The following PTTG1IP variants were observed in gnomAD, a reference collection of about 807,000 sequenced individuals.
PTTG1IP encodes the protein pituitary tumor-transforming gene 1 protein-interacting protein.
Under a neutral mutation model 24.4 loss-of-function variants are expected in PTTG1IP, and 16 were observed. The ratio of observed to expected loss-of-function variants is 0.66; its 90% confidence interval spans 0.44 to 1.00. PTTG1IP has a LOEUF of 1.00. Among genes scored for constraint, PTTG1IP ranks in the 50% least tolerant of loss-of-function variants. PTTG1IP has a pLI of 0.00. For missense variants in PTTG1IP, 241 were observed against 245.8 expected (o/e 0.98, Z 0.13); for synonymous variants, 89 against 96.8 (o/e 0.92, Z 0.47).
At chr21:44,853,587 A>G (rs1181208836) in intron 5 of PTTG1IP, among the ~76,000 whole-genome samples, 2 of 151,980 alleles carry the variant, frequency 1.3e-5, no homozygotes, top group Admixed American at 6.5e-5. Flanking sequence ...GCCTCCAGCC[A>G]AGGCCTGCAG....
chr21:44,870,352 C>A (rs2083574381), intron 1 of PTTG1IP, among the ~76,000 whole-genome samples: 1 of 151,970 alleles, frequency 6.6e-6, no homozygotes, highest in Non-Finnish European at 1.5e-5. Flanking sequence ...ACCGGCCTGG[C>A]CGACATGGAG....
At chr21:44,859,443 G>A (rs979676575) in intron 3 of PTTG1IP, among the ~76,000 whole-genome samples, 4 of 151,828 alleles carry the variant, frequency 2.6e-5, no homozygotes, top group Admixed American at 6.6e-5. Flanking sequence ...AGGCACACAC[G>A]TGTGCATTAT....
intron 3 of PTTG1IP, among the ~76,000 whole-genome samples, chr21:44,860,859 A>G (rs560364266): frequency 7.2e-5 from 11 of 152,200 alleles, no homozygotes; most frequent in African/African-American, 2.6e-4. Context: ...GCTGGAGTGC[A>G]GTGGCACGAT....
chr21:44,861,352 A>T, intron 2 of PTTG1IP, 81 bp from the exon 3 acceptor site: 1 of 1,189,982 alleles, frequency 8.4e-7, no homozygotes, highest in Non-Finnish European at 1.2e-6. Flanking sequence ...ACAGCCCGCC[A>T]GTGCTGCCAT....
chr21:44,850,129 G>A lies in PTTG1IP; in HGVS notation c.*1452C>T, dbSNP rs1462502791. The A allele has an allele frequency of 6.6e-6, 1 of 152,238 alleles. No individual in the cohort carries two copies. The highest frequency in any genetic ancestry group is 1.5e-5 in the Non-Finnish European group (1 of 68,034). The allele number at this position is 152,238 out of a possible 1,614,324, so 9.4% of individuals were successfully genotyped here. On this transcript the variant is annotated 3_prime_UTR_variant, in exon 6 of 6. Coordinates refer to ENST00000330938, the MANE Select transcript of PTTG1IP (RefSeq NM_004339.4). ...CGAGTTCTTGAAGTGTTCTGGATCA[G>A]TGATCTGCCTGTGAACTTTAGTTCA...
At chr21:44,865,082 G>C (rs1365582781) in intron 2 of PTTG1IP, among the ~76,000 whole-genome samples, 1 of 152,216 alleles carries the variant, frequency 6.6e-6, no homozygotes, top group Non-Finnish European at 1.5e-5. Flanking sequence ...TGAGGGTGTA[G>C]CTTTGCGGAC....
intron 1 of PTTG1IP, among the ~76,000 whole-genome samples, chr21:44,871,687 A>T (rs1278262803): frequency 1.3e-5 from 2 of 152,206 alleles, no homozygotes; most frequent in Non-Finnish European, 2.9e-5. Context: ...ACACCAAGCA[A>T]GTACTCTGTG....
chr21:44,872,612 C>G (rs1170993749), intron 1 of PTTG1IP, among the ~76,000 whole-genome samples: 1 of 152,140 alleles, frequency 6.6e-6, no homozygotes, highest in African/African-American at 2.4e-5. Flanking sequence ...TGGATTTTCC[C>G]GCAGCCCACC....
intron 1 of PTTG1IP, among the ~76,000 whole-genome samples, chr21:44,871,886 A>G (rs1051496394): frequency 2.6e-5 from 4 of 152,218 alleles, no homozygotes; most frequent in Non-Finnish European, 5.9e-5. Flanking sequence ...AGTGGAAGCA[A>G]GCAAGTGCAG....
At chr21:44,867,833 C>T (rs1188891411) in intron 1 of PTTG1IP, among the ~76,000 whole-genome samples, 2 of 152,230 alleles carry the variant, frequency 1.3e-5, no homozygotes, top group Non-Finnish European at 2.9e-5. Context: ...TCAGCTTTAA[C>T]TTACAATTTC....
chr21:44,861,789 A>G (rs2083494325), intron 2 of PTTG1IP: 1 of 717,454 alleles, frequency 1.4e-6, no homozygotes, highest in Non-Finnish European at 2.6e-6. Context: ...TGTGCACTTC[A>G]CTGGCTGAAG....
intron 1 of PTTG1IP, among the ~76,000 whole-genome samples, chr21:44,870,540 A>AAAG (rs1555972832): frequency 0.03 from 4,287 of 144,818 alleles, 257 homozygotes; most frequent in African/African-American, 0.1. Flanking sequence ...AAAAAAAAAA[A>AAAG]AAAAAAAAGA....
chr21:44,851,266 G>A lies in PTTG1IP; in HGVS notation c.*315C>T. ...CTGGGAGAATGACAGCCACAGCGCT[G>A]GGTGCCGTCAGGCGGCTTCGTGTGC... On this transcript the variant is annotated 3_prime_UTR_variant, in exon 6 of 6. Coordinates refer to ENST00000330938, the MANE Select transcript of PTTG1IP (RefSeq NM_004339.4). The A allele has an allele frequency of 3.0e-6, 4 of 1,337,010 alleles. No individual in the cohort carries two copies. Among genetic ancestry groups the A allele is most frequent in the Admixed American group, 2.6e-5 (1 of 38,526 alleles). The allele number at this position is 1,337,010 out of a possible 1,614,324, so 82.8% of individuals were successfully genotyped here.
At chr21:44,863,295 C>T (rs530692527) in intron 2 of PTTG1IP, among the ~76,000 whole-genome samples, 2 of 140,482 alleles carry the variant, frequency 1.4e-5, no homozygotes, top group South Asian at 2.3e-4. Context: ...CAGCCCGCCA[C>T]GGCCTCAGGA....
rs992494816 is a variant in PTTG1IP, at chr21:44,851,330, C to T, written c.*251G>A. 4 of 1,495,746 alleles carry T rather than the reference C, an allele frequency of 2.7e-6. No homozygotes were observed. In the Admixed American group the frequency reaches 6.4e-5, roughly 24 times the overall value. 92.7% of individuals were successfully genotyped at this position (1,495,746 alleles called of 1,614,324 possible). A position where few individuals can be genotyped will look rare whatever the true frequency, so the allele number is the denominator to read the frequency against. ...CAAACTGAGAAGAGTATAAAAAAGC[C>T]CAAACCCCAAAGATTTCTTATTTCA... is the stretch of plus-strand genomic sequence containing the variant. On this transcript the variant is annotated 3_prime_UTR_variant, in exon 6 of 6. Transcript: ENST00000330938.
intron 5 of PTTG1IP, among the ~76,000 whole-genome samples, chr21:44,852,510 C>A (rs572709475): frequency 5.5e-4 from 83 of 152,264 alleles, no homozygotes; most frequent in South Asian, 1.2e-3. Flanking sequence ...CTGTATTGTA[C>A]ACTAAAATTA....
rs84193 is a variant in PTTG1IP at position 44,850,461 on chromosome 21, G to C, written c.*1120C>G. The C allele has an allele frequency of 0.61, 92,544 of 152,172 alleles. 28,486 individuals are homozygous for C. The highest frequency in any genetic ancestry group is 0.8 in the East Asian group (4,145 of 5,172). 9.4% of individuals were successfully genotyped at this position (152,172 alleles called of 1,614,324 possible). ...AGAGAAGCCCACTCAGAAGGAAGTG[G>C]TCAGACCACCCTCGAGCCAGAGCGG... On this transcript the variant is annotated 3_prime_UTR_variant, in exon 6 of 6. Coordinates refer to ENST00000330938, the MANE Select transcript of PTTG1IP (RefSeq NM_004339.4).
At chr21:44,854,132 G>A (rs750614457) in intron 5 of PTTG1IP, among the ~76,000 whole-genome samples, 1 of 152,146 alleles carries the variant, frequency 6.6e-6, no homozygotes, top group Non-Finnish European at 1.5e-5. Context: ...CGCTCACAGT[G>A]GCTGCTGGGC....
intron 5 of PTTG1IP, among the ~76,000 whole-genome samples, chr21:44,853,740 G>C (rs914956394): frequency 6.6e-6 from 1 of 152,198 alleles, no homozygotes; most frequent in African/African-American, 2.4e-5. Flanking sequence ...ACAGGCGACA[G>C]AGAGGGTGGG....
Sources: gnomAD v4.1 joint callset for allele counts (sites outside exome capture counted in the v4.1 genomes callset) on GRCh38, gnomAD v4.1.1 for gene constraint, MANE v1.5 for transcripts, NCBI Gene and HGNC (gene_info 2026-07-23, HGNC 2026-07-21) for gene names.